Variants in CADPS observed in about 807,000 individuals in gnomAD.
CADPS encodes calcium dependent secretion activator, also known as calcium-dependent secretion activator 1.
Under a neutral mutation model 167.3 loss-of-function variants are expected in CADPS, and 57 were observed. The ratio of observed to expected loss-of-function variants is 0.34; its 90% CI spans 0.28 to 0.42. The LOEUF is 0.42. Among genes scored for constraint, CADPS ranks in the 20% least tolerant of loss-of-function variants. The probability of loss-of-function intolerance (pLI) is 1.00; values close to 1 mark genes in which losing one functional copy is unlikely to be tolerated. For missense variants in CADPS, 1,414 were observed against 1,738.1 expected (o/e 0.81, Z 3.32); for synonymous variants, 676 against 635.3 (o/e 1.06, Z -0.96).
chr3:62,729,308 AT>A (rs2077311662), intron 3 of CADPS, among the ~76,000 whole-genome samples: 1 of 151,912 alleles, frequency 6.6e-6, no homozygotes, highest in Admixed American at 6.5e-5. Flanking sequence ...TGCTCCAGGA[AT>A]GGTGGAATCC....
rs1167893542 is a variant in CADPS, at chr3:62,421,297, A to G, written c.3777+16807T>C. ...TAAGAAATTAAACACTTGTGGGTTC[A>G]TTCGAAAGAGTGAATGAAATTGAAT... On this transcript the variant is annotated intron_variant, in intron 28 of 29. Coordinates refer to ENST00000383710, the MANE Select transcript of CADPS (RefSeq NM_003716.4). The surrounding 1 kb of genome is among the most constrained non-coding windows in gnomAD (Gnocchi z 4.7). 6.8e-6 allele frequency among the ~76,000 whole-genome samples: 1 copy of G among 148,090 alleles called. No individual in the cohort carries two copies. The highest frequency in any genetic ancestry group is 1.5e-5 in the Non-Finnish European group (1 of 67,372).
intron 21 of CADPS, among the ~76,000 whole-genome samples, chr3:62,488,201 T>C (rs1280112574): frequency 6.6e-6 from 1 of 152,120 alleles, no homozygotes; most frequent in Non-Finnish European, 1.5e-5. Flanking sequence ...CATTCTTCAC[T>C]TGGAAAAAAA....
intron 1 of CADPS, among the ~76,000 whole-genome samples, chr3:62,851,812 A>C (rs1023350267): frequency 6.7e-6 from 1 of 150,336 alleles, no homozygotes; most frequent in Non-Finnish European, 1.5e-5. Context: ...CTGAATCTGA[A>C]CGTTGGCCTG....
intron 1 of CADPS, among the ~76,000 whole-genome samples, chr3:62,841,093 C>G (rs1267520602): frequency 6.6e-6 from 1 of 152,156 alleles, no homozygotes; most frequent in Non-Finnish European, 1.5e-5. Flanking sequence ...TCCTAAATTT[C>G]TCCCTGTAAC....
chr3:62,616,104 A>T (rs2062243914), intron 6 of CADPS, among the ~76,000 whole-genome samples: 1 of 152,182 alleles, frequency 6.6e-6, no homozygotes, highest in South Asian at 2.1e-4. Context: ...AGCACAATAA[A>T]ATCCAGTTTA....
Position 62,536,581 on chromosome 3 carries a change from T to G in CADPS, c.1967A>C (p.Tyr656Ser). ...PQLDAPISQF[Y>S]ADRAQKHGMD... The stretch of plus-strand genomic sequence containing the variant: ...GCCATGTTTTTGAGCTCTATCTGCG[T>G]CTGTTCATTTATACATGTAGAGAGA... The change falls in exon 12 of 30, where the codon TAC becomes TCC. Residue 656 changes from tyrosine (Y) to serine (S), a missense_variant and splice_region_variant. By Grantham distance (144) the Tyr-to-Ser change is moderately radical (BLOSUM62 -2). This residue lies in a region of CADPS where 529 missense variants were observed against 629.6 expected (regional missense o/e 0.84). Coordinates refer to ENST00000383710, the MANE Select transcript of CADPS (RefSeq NM_003716.4). 1 of 1,612,902 alleles carries G rather than the reference T, an allele frequency of 6.2e-7. No homozygotes were observed. Among genetic ancestry groups the G allele is most frequent in the Non-Finnish European group, 8.5e-7 (1 of 1,179,156 alleles).
At chr3:62,459,040 A>G (rs976033955) in intron 26 of CADPS, among the ~76,000 whole-genome samples, 7 of 152,234 alleles carry the variant, frequency 4.6e-5, no homozygotes, top group African/African-American at 1.7e-4. Context: ...GTAGGCAATA[A>G]AATGATCTGT....
At chr3:62,513,696 T>A in intron 16 of CADPS, 5 of 1,586,088 alleles carry the variant, frequency 3.2e-6, no homozygotes, top group Non-Finnish European at 4.3e-6. Flanking sequence ...CATACATTTC[T>A]CTCTTTTTCC....
intron 3 of CADPS, among the ~76,000 whole-genome samples, chr3:62,751,145 T>C (rs2082603497): frequency 6.6e-6 from 1 of 152,198 alleles, no homozygotes. Flanking sequence ...CATCTCTATA[T>C]TGTCATAGAA....
Position 62,474,153 on chromosome 3 carries a change from A to AATTTTTTTTTTTTTTTTTT in CADPS, c.3477+19_3477+20insAAAAAAAAAAAAAAAAAAT. 1.4e-6 allele frequency: 1 copy of AATTTTTTTTTTTTTTTTTT among 735,996 alleles called. No individual in the cohort carries two copies. Among genetic ancestry groups the AATTTTTTTTTTTTTTTTTT allele is most frequent in the African/African-American group, 3.2e-5 (1 of 31,042 alleles). 45.6% of individuals were successfully genotyped at this position (735,996 alleles called of 1,614,324 possible). ...AATGAAGAGGGAAAAAAAAATCTGT[A>AATTTTTTTTTTTTTTTTTT]TTTTTTTTTTTTTTTTTACCTCTTG... On this transcript the variant is annotated intron_variant, in intron 24 of 29. Transcript: ENST00000383710.
chr3:62,745,106 A>G (rs1426115542), intron 3 of CADPS, among the ~76,000 whole-genome samples: 1 of 151,914 alleles, frequency 6.6e-6, no homozygotes, highest in African/African-American at 2.4e-5. Flanking sequence ...TTTTTGAGAC[A>G]GGGTCTTGCT....
chr3:62,722,461 T>C (rs1257091457), intron 3 of CADPS, among the ~76,000 whole-genome samples: 1 of 151,970 alleles, frequency 6.6e-6, no homozygotes, highest in African/African-American at 2.4e-5. Context: ...GAACATCTCA[T>C]GAACATCTCA....
chr3:62,838,946 C>T (rs1244208918), intron 1 of CADPS, among the ~76,000 whole-genome samples: 1 of 152,116 alleles, frequency 6.6e-6, no homozygotes, highest in African/African-American at 2.4e-5. Context: ...GGCAGTCCTT[C>T]TAAAGATAAA....
chr3:62,688,476 A>C (rs1398200050), intron 3 of CADPS, among the ~76,000 whole-genome samples: 2 of 152,034 alleles, frequency 1.3e-5, no homozygotes, highest in Non-Finnish European at 2.9e-5. Context: ...GTCATCAGAT[A>C]TTTTTAAGGT....
At chr3:62,719,947 G>C (rs1581095397) in intron 3 of CADPS, among the ~76,000 whole-genome samples, 1 of 152,316 alleles carries the variant, frequency 6.6e-6, no homozygotes, top group African/African-American at 2.4e-5. Context: ...AGACCCTCCA[G>C]AGCTTTCTTT....
At chr3:62,724,508 T>C (rs1242493529) in intron 3 of CADPS, among the ~76,000 whole-genome samples, 1 of 152,210 alleles carries the variant, frequency 6.6e-6, no homozygotes, top group Non-Finnish European at 1.5e-5. Flanking sequence ...ACTGTGAACA[T>C]TATTTCATAA....
chr3:62,547,441 G>A (rs533764869), intron 11 of CADPS, among the ~76,000 whole-genome samples: 57 of 152,168 alleles, frequency 3.7e-4, no homozygotes, highest in African/African-American at 1.3e-3. Context: ...AAGAACTCCC[G>A]TTCCTCGGCA....
Position 62,875,058 on chromosome 3 carries a change from A to G in CADPS, c.-29T>C. 6.4e-7 allele frequency: 1 copy of G among 1,562,718 alleles called. No homozygotes were observed. The highest frequency in any genetic ancestry group is 8.7e-7 in the Non-Finnish European group (1 of 1,153,294). On this transcript the variant is annotated 5_prime_UTR_variant, in exon 1 of 30. Transcript: ENST00000383710. ...GGCGCCTGGGGAGCGGGGTCTCTGG[A>G]GCCCCCGGCTTGGAGTGCAAAAGGT...
intron 3 of CADPS, among the ~76,000 whole-genome samples, chr3:62,724,440 A>G (rs9631504): frequency 0.39 from 58,628 of 152,074 alleles, 11,649 homozygotes; most frequent in East Asian, 0.68. Flanking sequence ...CAAGGCACAG[A>G]CATACATTTA....
Sources: allele counts gnomAD v4.1 joint callset (sites outside exome capture counted in the v4.1 genomes callset), GRCh38; gene constraint gnomAD v4.1.1; regional missense constraint gnomAD v4.1.1; non-coding constraint Gnocchi (gnomAD v3.1); transcripts MANE v1.5; gene names NCBI Gene and HGNC (gene_info 2026-07-23, HGNC 2026-07-21).